The following OPCML variants were observed in gnomAD, a reference collection of about 807,000 sequenced individuals.
OPCML encodes the protein opioid-binding protein/cell adhesion molecule.
Under a neutral mutation model 37.8 loss-of-function variants are expected in OPCML, and 13 were observed. That is an observed-to-expected ratio of 0.34 (90% CI 0.22 to 0.55). The LOEUF is 0.55. OPCML is among the 20% of genes least tolerant of loss of function. The probability of loss-of-function intolerance (pLI) is 0.91; values close to 1 mark genes in which losing one functional copy is unlikely to be tolerated. For synonymous variants in OPCML, 176 were observed against 168.8 expected (o/e 1.04, Z -0.33); for missense variants, 341 against 435.6 (o/e 0.78, Z 1.93).
chr11:132,555,902 A>T (rs7939336), intron 3 of OPCML, among the ~76,000 whole-genome samples: 29,443 of 152,058 alleles, frequency 0.19, 3,361 homozygotes, highest in East Asian at 0.49. Flanking sequence ...AAAGAACTTC[A>T]AAGGATTATA....
intron 1 of OPCML, among the ~76,000 whole-genome samples, chr11:133,433,121 T>C (rs1946158651): frequency 6.6e-6 from 1 of 152,188 alleles, no homozygotes; most frequent in African/African-American, 2.4e-5. Flanking sequence ...GTTTCATATT[T>C]CTACGAAGTT....
At chr11:133,073,957 G>A (rs1948584023) in intron 1 of OPCML, among the ~76,000 whole-genome samples, 2 of 152,180 alleles carry the variant, frequency 1.3e-5, no homozygotes, top group South Asian at 4.1e-4. Flanking sequence ...ACCCTGGGAT[G>A]GAAACCAGTT....
intron 1 of OPCML, among the ~76,000 whole-genome samples, chr11:133,102,357 A>G (rs925890700): frequency 6.6e-6 from 1 of 152,220 alleles, no homozygotes; most frequent in South Asian, 2.1e-4. Context: ...AATTTCTGGA[A>G]AAAAGATCTA....
At chr11:132,690,938 T>C (rs1943378100) in intron 2 of OPCML, among the ~76,000 whole-genome samples, 1 of 152,218 alleles carries the variant, frequency 6.6e-6, no homozygotes, top group Non-Finnish European at 1.5e-5. Context: ...AAAGAAAACA[T>C]GCAAAATAGG....
rs372249421 is a variant in OPCML at position 133,420,156 on chromosome 11, T to A, written c.61+112108A>T. The A allele has an allele frequency of 3.0e-5, 16 of 532,578 alleles. No homozygotes were observed. The African/African-American group carries it at 4.6e-4, about 15-fold the overall frequency. The allele number at this position is 532,578 out of a possible 1,614,324, so 33.0% of individuals were successfully genotyped here. On this transcript the variant is annotated intron_variant, in intron 1 of 7. Transcript: ENST00000524381. ...GTCAGTAAATGTTATAGTAATTAAATATATACACACATACACAGACAAACA... is the reference window on the plus strand; with the variant it reads ...GTCAGTAAATGTTATAGTAATTAAAAATATACACACATACACAGACAAACA...
chr11:133,357,000 C>T (rs1944304850), intron 1 of OPCML, among the ~76,000 whole-genome samples: 1 of 152,160 alleles, frequency 6.6e-6, no homozygotes, highest in East Asian at 1.9e-4. Context: ...CACCCTATGT[C>T]CATACAGAGA....
rs1237024420 is a variant in OPCML at position 132,417,520 on chromosome 11, G to A, written c.*2673C>T. On this transcript the variant is annotated 3_prime_UTR_variant, in exon 8 of 8. Transcript: ENST00000524381. ...GAAGGGGGAACAGCAGGGTTCCATA[G>A]TGGCCCTGAAGCCAGCCTTGTTGGG... The A allele has an allele frequency of 6.6e-6, 1 of 152,232 alleles. No individual in the cohort carries two copies. Among genetic ancestry groups the A allele is most frequent in the African/African-American group, 2.4e-5 (1 of 41,456 alleles). 9.4% of individuals were successfully genotyped at this position (152,232 alleles called of 1,614,324 possible).
intron 1 of OPCML, among the ~76,000 whole-genome samples, chr11:133,038,000 G>A (rs1947812299): frequency 1.3e-5 from 2 of 152,366 alleles, no homozygotes; most frequent in African/African-American, 4.8e-5. Context: ...ATGCTACTAG[G>A]AGGAGGATGT....
At chr11:133,085,866 C>G (rs1304451682) in intron 1 of OPCML, among the ~76,000 whole-genome samples, 1 of 152,204 alleles carries the variant, frequency 6.6e-6, no homozygotes, top group Non-Finnish European at 1.5e-5. Context: ...TCTAGGAGAT[C>G]ATGCGTATGT....
At chr11:133,433,282 G>A (rs1016737040) in intron 1 of OPCML, among the ~76,000 whole-genome samples, 3 of 146,520 alleles carry the variant, frequency 2.0e-5, no homozygotes, top group Non-Finnish European at 2.9e-5. Context: ...ATTACTGATG[G>A]ATTTTAATGT....
At chr11:132,554,266 T>C (rs903091116) in intron 3 of OPCML, among the ~76,000 whole-genome samples, 2 of 152,196 alleles carry the variant, frequency 1.3e-5, no homozygotes, top group Non-Finnish European at 2.9e-5. Flanking sequence ...TGGTTTTAAT[T>C]TGAGTGCAGA....
chr11:133,230,125 AGAGTT>A, intron 1 of OPCML, among the ~76,000 whole-genome samples: 1 of 152,352 alleles, frequency 6.6e-6, no homozygotes, highest in African/African-American at 2.4e-5. Flanking sequence ...CCGTGGTCTT[AGAGTT>A]TAGTTCCAAG....
At chr11:132,843,143 G>A (rs1262021606) in intron 2 of OPCML, among the ~76,000 whole-genome samples, 4 of 142,974 alleles carry the variant, frequency 2.8e-5, no homozygotes, top group Non-Finnish European at 4.5e-5. Flanking sequence ...CACCCAGGCT[G>A]GAGTGCAATG....
At chr11:133,115,543 T>C (rs1949319567) in intron 1 of OPCML, among the ~76,000 whole-genome samples, 1 of 151,992 alleles carries the variant, frequency 6.6e-6, no homozygotes. Context: ...CAGAGCTATA[T>C]AACACTCAAA....
chr11:132,456,218 G>A (rs2096082333), intron 4 of OPCML, among the ~76,000 whole-genome samples: 1 of 152,140 alleles, frequency 6.6e-6, no homozygotes, highest in Non-Finnish European at 1.5e-5. Context: ...CCATTGTTCA[G>A]GAGAGCACAG....
intron 1 of OPCML, among the ~76,000 whole-genome samples, chr11:133,121,979 C>T (rs1949429794): frequency 6.6e-6 from 1 of 152,124 alleles, no homozygotes; most frequent in South Asian, 2.1e-4. Context: ...ATGCCATCTT[C>T]TTATGATTAT....
In OPCML at chr11:132,542,237, G is replaced by T. The variant is rs377548540; in HGVS notation, c.380-13051C>A. ...GGAAGGCAGACGTGGAAAGATGCCT[G>T]GGCTGAGAATTAGGCCAGATGCATC... On this transcript the variant is annotated intron_variant, in intron 3 of 7. Transcript: ENST00000524381. Among the ~76,000 whole-genome samples the T allele has an allele frequency of 8.5e-3, 1,295 of 152,216 alleles. 12 individuals carry two copies. The highest frequency in any genetic ancestry group is 0.03 in the African/African-American group (1,237 of 41,540).
intron 1 of OPCML, among the ~76,000 whole-genome samples, chr11:133,403,595 C>G (rs1304298399): frequency 6.6e-6 from 1 of 152,156 alleles, no homozygotes; most frequent in Non-Finnish European, 1.5e-5. Flanking sequence ...TCATGGTAAC[C>G]TCTTAGGAGA....
chr11:132,808,565 C>A (rs1024266031), intron 2 of OPCML, among the ~76,000 whole-genome samples: 3 of 152,154 alleles, frequency 2.0e-5, no homozygotes, highest in African/African-American at 4.8e-5. Context: ...ATTTGATGAT[C>A]ATTGGGTATA....
Sources: gnomAD v4.1 joint callset for allele counts (sites outside exome capture counted in the v4.1 genomes callset) on GRCh38, gnomAD v4.1.1 for gene constraint, MANE v1.5 for transcripts, NCBI Gene and HGNC (gene_info 2026-07-23, HGNC 2026-07-21) for gene names.